The following NRXN3 variants were observed in gnomAD, a reference collection of about 807,000 sequenced individuals.
The protein encoded by NRXN3 is neurexin III.
NRXN3 carries 32 observed loss-of-function variants against 137.6 expected under a neutral mutation model. The observed-to-expected ratio is 0.23, with a 90% confidence interval of 0.18 to 0.31. The LOEUF is 0.31. Ranked by LOEUF, NRXN3 falls within the 10% of genes least tolerant of loss-of-function variation. NRXN3 has a pLI of 1.00. For missense variants in NRXN3, 1,574 were observed against 2,062.5 expected, an observed-to-expected ratio of 0.76 and a Z score of 4.59; for synonymous variants, 798 against 784.5, an observed-to-expected ratio of 1.02 and a Z score of -0.29.
intron 2 of NRXN3, among the ~76,000 whole-genome samples, chr14:78,275,549 A>G (rs2153494738): frequency 6.6e-6 from 1 of 152,292 alleles, no homozygotes; most frequent in Non-Finnish European, 1.5e-5. Context: ...AGCTGTCTTC[A>G]CATGGTAACA....
chr14:78,825,196 CAAAAAAAAA>C (rs11335474), intron 10 of NRXN3, among the ~76,000 whole-genome samples: 2 of 75,824 alleles, frequency 2.6e-5, no homozygotes, highest in East Asian at 3.3e-4. Flanking sequence ...GACTCTGCCT[CAAAAAAAAA>C]AAAAAAAAAA....
intron 6 of NRXN3, among the ~76,000 whole-genome samples, chr14:78,670,015 C>A (rs2097920192): frequency 6.6e-6 from 1 of 151,988 alleles, no homozygotes; most frequent in Admixed American, 6.6e-5. Context: ...CCCCTAGCCC[C>A]CCACCCCCTG....
chr14:79,578,458 T>G (rs1243579411), intron 16 of NRXN3, among the ~76,000 whole-genome samples: 1 of 152,174 alleles, frequency 6.6e-6, no homozygotes, highest in Non-Finnish European at 1.5e-5. Context: ...GAGATAGACC[T>G]GAGACCATGC....
intron 15 of NRXN3, among the ~76,000 whole-genome samples, chr14:79,180,933 G>T (rs549198208): frequency 6.6e-6 from 1 of 152,038 alleles, no homozygotes; most frequent in Admixed American, 6.5e-5. Flanking sequence ...GGAATGAAGA[G>T]ATTCTATGTC....
chr14:79,519,490 A>C (rs1181023135), intron 16 of NRXN3, among the ~76,000 whole-genome samples: 2 of 152,056 alleles, frequency 1.3e-5, no homozygotes, highest in Admixed American at 1.3e-4. Context: ...TGTATTAAAA[A>C]TATTGAATTG....
chr14:79,454,930 A>G (rs1011756037), intron 15 of NRXN3, among the ~76,000 whole-genome samples: 4 of 152,238 alleles, frequency 2.6e-5, no homozygotes, highest in Admixed American at 2.6e-4. Flanking sequence ...CTTCTAATAT[A>G]CCATTGAAAT....
At chr14:79,777,796 T>G (rs1032733034) in intron 19 of NRXN3, among the ~76,000 whole-genome samples, 1 of 151,624 alleles carries the variant, frequency 6.6e-6, no homozygotes, top group African/African-American at 2.4e-5. Flanking sequence ...ATTATTTTAA[T>G]ATATTTATTT....
At chr14:79,681,331 C>G (rs570305319) in intron 17 of NRXN3, among the ~76,000 whole-genome samples, 1 of 152,234 alleles carries the variant, frequency 6.6e-6, no homozygotes, top group South Asian at 2.1e-4. Flanking sequence ...TCCTGAATTC[C>G]TGGCTATATC....
intron 14 of NRXN3, among the ~76,000 whole-genome samples, chr14:78,974,542 G>A (rs1214123238): frequency 6.6e-6 from 1 of 152,206 alleles, no homozygotes; most frequent in African/African-American, 2.4e-5. Context: ...TAGGGACATA[G>A]TGGTTTGGAA....
At chr14:78,912,851 G>C (rs2099243040) in intron 10 of NRXN3, among the ~76,000 whole-genome samples, 2 of 152,042 alleles carry the variant, frequency 1.3e-5, no homozygotes, top group Admixed American at 1.3e-4. Flanking sequence ...ACCTAACCAA[G>C]TTTTTTGTTT....
At chr14:79,533,720 A>G (rs1002463403) in intron 16 of NRXN3, among the ~76,000 whole-genome samples, 1 of 152,192 alleles carries the variant, frequency 6.6e-6, no homozygotes, top group African/African-American at 2.4e-5. Flanking sequence ...TGCCCCACAA[A>G]TCACTTTGTT....
In NRXN3 at chr14:78,950,477, A is replaced by G. The variant is rs560684065; in HGVS notation, c.2276-6765A>G. Among the ~76,000 whole-genome samples, 27 of 152,256 alleles carry G rather than the reference A, an allele frequency of 1.8e-4. No individual in the cohort carries two copies. In the South Asian group the frequency reaches 5.4e-3, roughly 30 times the overall value. On this transcript the variant is annotated intron_variant, in intron 10 of 20. Coordinates refer to ENST00000335750, the MANE Select transcript of NRXN3 (RefSeq NM_001330195.2). ...GGGTTCATTTTACACTGTGATCACA[A>G]TTTAGAGATGCTATTGAATGGGCTG... is the stretch of plus-strand genomic sequence containing the variant.
At chr14:79,063,174 T>G (rs2152674531) in intron 15 of NRXN3, among the ~76,000 whole-genome samples, 1 of 152,354 alleles carries the variant, frequency 6.6e-6, no homozygotes, top group Non-Finnish European at 1.5e-5. Flanking sequence ...CACTGAATTC[T>G]TTTGTTCAGA....
At chr14:78,332,414 CA>C (rs1488321090) in intron 4 of NRXN3, among the ~76,000 whole-genome samples, 1 of 151,078 alleles carries the variant, frequency 6.6e-6, no homozygotes, top group Non-Finnish European at 1.5e-5. Context: ...CTCCCGGTTT[CA>C]AGCAATTCTC....
intron 10 of NRXN3, among the ~76,000 whole-genome samples, chr14:78,898,912 A>T (rs1313996354): frequency 6.6e-6 from 1 of 151,964 alleles, no homozygotes; most frequent in African/African-American, 2.4e-5. Flanking sequence ...GATTGTTAAA[A>T]ATTAGAATAG....
At chr14:78,458,520 C>T (rs753570188) in intron 4 of NRXN3, among the ~76,000 whole-genome samples, 3 of 152,160 alleles carry the variant, frequency 2.0e-5, no homozygotes, top group Non-Finnish European at 4.4e-5. Flanking sequence ...ATATTCTTCA[C>T]GTTTCCTCCT....
At chr14:79,017,645 T>G (rs1450759119) in intron 15 of NRXN3, among the ~76,000 whole-genome samples, 1 of 152,148 alleles carries the variant, frequency 6.6e-6, no homozygotes, top group South Asian at 2.1e-4. Context: ...TCGGGTCAGC[T>G]TGCACATTCT....
intron 4 of NRXN3, among the ~76,000 whole-genome samples, chr14:78,364,372 A>G (rs1205286092): frequency 6.6e-6 from 1 of 152,216 alleles, no homozygotes; most frequent in African/African-American, 2.4e-5. Context: ...CTTCAAGAGT[A>G]ATGGAACTTG....
intron 10 of NRXN3, among the ~76,000 whole-genome samples, chr14:78,916,712 C>T (rs1332638570): frequency 6.6e-6 from 1 of 152,210 alleles, no homozygotes; most frequent in Admixed American, 6.5e-5. Flanking sequence ...GCATACCTCA[C>T]GTACTAGTTT....
Sources: allele counts gnomAD v4.1 joint callset (sites outside exome capture counted in the v4.1 genomes callset), GRCh38; gene constraint gnomAD v4.1.1; transcripts MANE v1.5; gene names NCBI Gene and HGNC (gene_info 2026-07-23, HGNC 2026-07-21).